Variants in FRY observed in about 807,000 individuals in gnomAD.
FRY encodes the protein protein furry homolog.
In FRY, 128 loss-of-function variants were observed where a neutral mutation model predicts 348.4. That is an observed-to-expected ratio of 0.37 (90% CI 0.32 to 0.43). The LOEUF is 0.43. FRY is among the 20% of genes least tolerant of loss of function. The pLI is 1.00. For missense variants in FRY, 2,736 were observed against 3,695.2 expected (o/e 0.74, Z 6.73); for synonymous variants, 1,370 against 1,374.7 (o/e 1.00, Z 0.08).
At chr13:32,088,826 A>G (rs1281965232) in intron 2 of FRY, among the ~76,000 whole-genome samples, 1 of 152,220 alleles carries the variant, frequency 6.6e-6, no homozygotes, top group Non-Finnish European at 1.5e-5. Context: ...TGACTTTATG[A>G]AGAGATTATC....
chr13:32,219,250 A>G (rs866782829), intron 36 of FRY, among the ~76,000 whole-genome samples: 15 of 150,030 alleles, frequency 1.0e-4, no homozygotes, highest in African/African-American at 3.2e-4. Context: ...CACCACGCCC[A>G]GCTAATTTTT....
rs1884534076 is a variant in FRY at position 32,209,196 on chromosome 13, A to T, written c.4275+87A>T. Reference sequence around the variant, plus strand: ...TTAGTCAAACCCCGGGGAAAATGGGATTCCTTTAAAAATCACATGACTGGG... The same window carrying T: ...TTAGTCAAACCCCGGGGAAAATGGGTTTCCTTTAAAAATCACATGACTGGG... On this transcript the variant is annotated intron_variant, in intron 32 of 60. Transcript: ENST00000542859. The T allele has an allele frequency of 4.8e-6, 7 of 1,450,940 alleles. No homozygotes were observed. The East Asian group carries it at 1.6e-4, about 33-fold the overall frequency. The allele number at this position is 1,450,940 out of a possible 1,614,324, so 89.9% of individuals were successfully genotyped here.
chr13:32,248,625 C>T (rs1886922249), intron 48 of FRY, among the ~76,000 whole-genome samples: 1 of 152,074 alleles, frequency 6.6e-6, no homozygotes, highest in South Asian at 2.1e-4. Flanking sequence ...TACAATGGTC[C>T]TCACTGACCT....
rs1456008327 is a variant in FRY, at chr13:32,234,643, A to G, written c.5597A>G (p.Tyr1866Cys). ...GCCCTCGCAAGCTCTTCAAGGCACTATGCTGGTCGGTCCTTCCAGATATTC... is the reference window on the plus strand; with the variant it reads ...GCCCTCGCAAGCTCTTCAAGGCACTGTGCTGGTCGGTCCTTCCAGATATTC... ...QTALASSSRH[Y>C]AGRSFQIFRA... is the part of the protein sequence containing the mutation. The change falls in exon 42 of 61, where the codon TAT (tyrosine) becomes TGT (cysteine). Residue 1866 changes from tyrosine (Y) to cysteine (C), a missense_variant. By Grantham distance (194) the Tyr-to-Cys change is radical. Coordinates refer to ENST00000542859, the MANE Select transcript of FRY (RefSeq NM_023037.3). 5 of 1,614,172 alleles carry G rather than the reference A, an allele frequency of 3.1e-6. No homozygotes were observed. The South Asian group carries it at 4.4e-5, about 14-fold the overall frequency.
chr13:32,102,167 G>T, intron 3 of FRY, 151 bp downstream of exon 3: 1 of 631,214 alleles, frequency 1.6e-6, no homozygotes, highest in South Asian at 1.8e-5. Context: ...AGTTTTCATG[G>T]TTGTGGTTTA....
chr13:32,158,951 CAAAAA>C (rs35585320), intron 16 of FRY, among the ~76,000 whole-genome samples: 452 of 32,778 alleles, frequency 0.014, 4 homozygotes, highest in African/African-American at 0.046. Flanking sequence ...GCTGTTTCCT[CAAAAA>C]AAAAAAAAAA....
chr13:32,221,754 C>T (rs980539323), intron 36 of FRY, among the ~76,000 whole-genome samples: 1 of 152,212 alleles, frequency 6.6e-6, no homozygotes, highest in Non-Finnish European at 1.5e-5. Flanking sequence ...TTCAAGTGAT[C>T]CACCCGCCTG....
rs150874989 is a variant in FRY at position 32,266,008 on chromosome 13, T to C, written c.7946+392T>C. Among the ~76,000 whole-genome samples, 218 of 152,094 alleles carry C rather than the reference T, an allele frequency of 1.4e-3. 1 individual carries two copies. Among genetic ancestry groups the C allele is most frequent in the Middle Eastern group, 3.4e-3 (1 of 294 alleles). ...ATATAGGAAATACCTACTCTTTAAG[T>C]GGGTGTCTTTTGGCCTGGTGGCTGA... is the stretch of plus-strand genomic sequence containing the variant. On this transcript the variant is annotated intron_variant, in intron 54 of 60. Coordinates refer to ENST00000542859, the MANE Select transcript of FRY (RefSeq NM_023037.3).
intron 52 of FRY, 141 bp downstream of exon 52, chr13:32,261,957 G>T: frequency 1.3e-6 from 1 of 799,782 alleles, no homozygotes; most frequent in Non-Finnish European, 2.1e-6. Context: ...TGTCATACGG[G>T]TTCTAGCTGG....
intron 58 of FRY, among the ~76,000 whole-genome samples, chr13:32,288,666 C>G (rs551977723): frequency 5.8e-4 from 89 of 152,272 alleles, no homozygotes; most frequent in Non-Finnish European, 1.2e-3. Flanking sequence ...AAAAGAAAGG[C>G]CGTATTTATC....
In FRY at chr13:32,276,487, C is replaced by T; in HGVS notation, c.8310C>T (p.Asp2770=). Residue 2770 remains aspartate, a synonymous_variant, in exon 57 of 61, where the codon GAC becomes GAT. Transcript: ENST00000542859. ...AGCTCCTTTCATGTGGACTTCTGGACAAGCTCAAGTTCAGTGTGTTAGAAC... is the reference window on the plus strand; with the variant it reads ...AGCTCCTTTCATGTGGACTTCTGGATAAGCTCAAGTTCAGTGTGTTAGAAC... ...AETLLSCGLL[D]KLKFSVLELQ... is the part of the protein sequence containing the mutation. 1 of 1,599,746 alleles carries T rather than the reference C, an allele frequency of 6.3e-7. No individual in the cohort carries two copies. Among genetic ancestry groups the T allele is most frequent in the Non-Finnish European group, 8.6e-7 (1 of 1,166,870 alleles).
At chr13:32,198,352 G>C (rs775409240) in intron 29 of FRY, among the ~76,000 whole-genome samples, 48 of 152,122 alleles carry the variant, frequency 3.2e-4, no homozygotes, top group Non-Finnish European at 5.9e-4. Flanking sequence ...AGAGACATAG[G>C]TAAAGCATCT....
chr13:32,058,038 A>G (rs1405965623), intron 1 of FRY, among the ~76,000 whole-genome samples: 1 of 152,234 alleles, frequency 6.6e-6, no homozygotes, highest in Non-Finnish European at 1.5e-5. Context: ...TATGAATATT[A>G]GATTAACTGT....
chr13:32,162,392 G>A (rs900223699), intron 17 of FRY, among the ~76,000 whole-genome samples: 2 of 152,002 alleles, frequency 1.3e-5, no homozygotes, highest in Non-Finnish European at 2.9e-5. Flanking sequence ...ACCCCACATG[G>A]CTGCACATAA....
chr13:32,219,220 C>A (rs1271734437), intron 36 of FRY, among the ~76,000 whole-genome samples: 1 of 150,132 alleles, frequency 6.7e-6, no homozygotes, highest in Non-Finnish European at 1.5e-5. Flanking sequence ...TCGTGAGTAG[C>A]TGGGACTACA....
At chr13:32,165,853 G>A (rs913043168) in intron 17 of FRY, among the ~76,000 whole-genome samples, 1 of 152,172 alleles carries the variant, frequency 6.6e-6, no homozygotes, top group Non-Finnish European at 1.5e-5. Context: ...CAACAAAGAA[G>A]GCAGCTTTGT....
At chr13:32,203,448 G>A (rs1884164305) in intron 31 of FRY, among the ~76,000 whole-genome samples, 2 of 152,120 alleles carry the variant, frequency 1.3e-5, no homozygotes, top group Non-Finnish European at 2.9e-5. Context: ...TTGTCAGGCC[G>A]GGCGTGGTGG....
intron 49 of FRY, among the ~76,000 whole-genome samples, chr13:32,250,621 G>A (rs1887026893): frequency 6.6e-6 from 1 of 152,174 alleles, no homozygotes; most frequent in Admixed American, 6.5e-5. Context: ...GACATGCGAG[G>A]GAGGCATAGC....
chr13:32,110,009 G>A (rs911399158), intron 3 of FRY, among the ~76,000 whole-genome samples: 14 of 152,188 alleles, frequency 9.2e-5, no homozygotes, highest in African/African-American at 3.4e-4. Context: ...GGGACATCAC[G>A]GAAGATGCAG....
Sources: gnomAD v4.1 joint callset for allele counts (sites outside exome capture counted in the v4.1 genomes callset) on GRCh38, gnomAD v4.1.1 for gene constraint, MANE v1.5 for transcripts, NCBI Gene and HGNC (gene_info 2026-07-23, HGNC 2026-07-21) for gene names.